The following RCC1L variants were observed in gnomAD, a reference collection of about 807,000 sequenced individuals.
The protein encoded by RCC1L is RCC1 like.
In RCC1L, 46 loss-of-function variants were observed where a neutral mutation model predicts 58.6. The ratio of observed to expected loss-of-function variants is 0.79; its 90% CI spans 0.62 to 1.00. The LOEUF is 1.00. Among genes scored for constraint, RCC1L ranks in the 50% least tolerant of loss-of-function variants. The pLI, the probability that RCC1L is intolerant of heterozygous loss-of-function variation, is 0.00. For synonymous variants in RCC1L, 281 were observed against 262.9 expected, an observed-to-expected ratio of 1.07 and a Z score of -0.67; for missense variants, 636 against 623.6, an observed-to-expected ratio of 1.02 and a Z score of -0.21.
At chr7:75,041,477 A>G (rs1805564347), downstream of RCC1L, among the ~76,000 whole-genome samples, 1 of 152,182 alleles carries the variant, frequency 6.6e-6, no homozygotes, top group Admixed American at 6.6e-5. Context: ...AGGTAAAGGC[A>G]GACAGGGCAT....
intron 8 of RCC1L, chr7:75,056,805 A>C: frequency 1.5e-6 from 2 of 1,336,882 alleles, no homozygotes; most frequent in South Asian, 2.5e-5. Context: ...ATCCAATGCC[A>C]TCTTCCCATG....
rs1584503849 is a variant in RCC1L, at chr7:75,066,756, A to G, written c.491T>C (p.Val164Ala). 1 of 1,613,016 alleles carries G rather than the reference A, an allele frequency of 6.2e-7. No individual in the cohort carries two copies. Among genetic ancestry groups the G allele is most frequent in the East Asian group, 2.2e-5 (1 of 44,830 alleles). Residue 164 changes from valine to alanine, a missense_variant, in exon 3 of 11, where the codon GTC (valine) becomes GCC (alanine). Val to Ala is a moderately conservative substitution (Grantham distance 64). Coordinates refer to ENST00000610322, the MANE Select transcript of RCC1L (RefSeq NM_030798.5). ...GYEYVLEPSP[V>A]SLPLDRPQET... ...CTGAGGTCTGTCCAGAGGCAGGGAG[A>G]CGGGTGAGGGCTCCAACACATACTC...
At chr7:75,069,999 G>A (rs1362705558) in intron 2 of RCC1L, among the ~76,000 whole-genome samples, 4 of 152,258 alleles carry the variant, frequency 2.6e-5, no homozygotes, top group South Asian at 2.1e-4. Context: ...CCATGTTAAC[G>A]ATTTCAATGC....
Position 75,058,585 on chromosome 7 carries a change from T to C in RCC1L, c.969+3A>G. ...CAGCACCACGCTGTCGGCGACTGCA[T>C]ACCTGTGTGGAGTCAGTGACAGAGG... On this transcript the variant is annotated splice_donor_region_variant and intron_variant, in intron 7 of 10. Transcript: ENST00000610322. 2 of 1,600,376 alleles carry C rather than the reference T, an allele frequency of 1.2e-6. No individual in the cohort carries two copies. The highest frequency in any genetic ancestry group is 1.1e-5 in the South Asian group (1 of 89,722).
At chr7:75,051,337 CATAT>C (rs1209146726) in intron 10 of RCC1L, among the ~76,000 whole-genome samples, 2 of 148,496 alleles carry the variant, frequency 1.3e-5, no homozygotes, top group African/African-American at 2.5e-5. Flanking sequence ...CACACACACA[CATAT>C]ATATACACAC....
chr7:75,061,328 A>C, intron 5 of RCC1L, 37 bp from the exon 6 acceptor site: 1 of 1,572,812 alleles, frequency 6.4e-7, no homozygotes, highest in Non-Finnish European at 8.8e-7. Context: ...ATGAGAGGAA[A>C]TACTTAGAAC....
chr7:75,053,202 G>A (rs1475713898), intron 9 of RCC1L, among the ~76,000 whole-genome samples: 1 of 91,254 alleles, frequency 1.1e-5, no homozygotes, highest in African/African-American at 4.4e-5. Context: ...GGGGGTGGTG[G>A]ACAGGGCTGG....
At position 75,058,574 on chromosome 7, in the gene RCC1L, C is replaced by T. The variant is rs995613108; in HGVS notation, c.969+14G>A. 2.4e-4 allele frequency: 380 copies of T among 1,584,980 alleles called. 1 individual carries two copies. Among genetic ancestry groups the T allele is most frequent in the Non-Finnish European group, 3.1e-4 (365 of 1,164,206 alleles). On this transcript the variant is annotated intron_variant, in intron 7 of 10. Coordinates refer to ENST00000610322, the MANE Select transcript of RCC1L (RefSeq NM_030798.5). The stretch of plus-strand genomic sequence containing the variant: ...TCCAAACCTCCCAGCACCACGCTGT[C>T]GGCGACTGCATACCTGTGTGGAGTC...
chr7:75,046,812 T>C (rs1283778485), intron 10 of RCC1L, among the ~76,000 whole-genome samples: 1 of 152,124 alleles, frequency 6.6e-6, no homozygotes, highest in Non-Finnish European at 1.5e-5. Flanking sequence ...CAATTACAAG[T>C]TGCTAAAACG....
intron 10 of RCC1L, among the ~76,000 whole-genome samples, chr7:75,044,680 G>A (rs901205430): frequency 1.9e-4 from 28 of 149,062 alleles, no homozygotes; most frequent in Non-Finnish European, 3.4e-4. Flanking sequence ...CCTCTGAACT[G>A]AAAACTACTT....
Position 75,066,723 on chromosome 7 carries a change from C to A in RCC1L, c.524G>T (p.Arg175Leu). The change falls in exon 3 of 11, where the codon CGG becomes CTG. Residue 175 changes from arginine to leucine, a missense_variant. By Grantham distance (102) the Arg-to-Leu change is moderately radical (BLOSUM62 -2). Transcript: ENST00000610322. ...SLPLDRPQETRVLQVSCGRAH... is the reference protein window; with the variant it reads ...SLPLDRPQETLVLQVSCGRAH... ...TCGGCCGCAGGAGACCTGCAGCACC[C>A]GTGTCTCCTGAGGTCTGTCCAGAGG... The A allele has an allele frequency of 6.2e-7, 1 of 1,613,536 alleles. No individual in the cohort carries two copies. Among genetic ancestry groups the A allele is most frequent in the South Asian group, 1.1e-5 (1 of 91,030 alleles).
At chr7:75,070,847 C>G (rs1180894408) in intron 1 of RCC1L, 78 bp from the exon 2 acceptor site, 7 of 1,565,838 alleles carry the variant, frequency 4.5e-6, no homozygotes, top group Middle Eastern at 3.9e-4. Flanking sequence ...GGTTATTTAT[C>G]AAATCCAAGA....
At chr7:75,048,777 T>C (rs1345616397) in intron 10 of RCC1L, among the ~76,000 whole-genome samples, 1 of 152,212 alleles carries the variant, frequency 6.6e-6, no homozygotes. Context: ...TGGTCAAATG[T>C]TCCGTGCCAC....
intron 6 of RCC1L, among the ~76,000 whole-genome samples, 180 bp from the exon 7 acceptor site, chr7:75,058,949 G>T (rs1174170944): frequency 1.3e-5 from 2 of 151,628 alleles, no homozygotes; most frequent in Non-Finnish European, 2.9e-5. Context: ...GGCTGAGATG[G>T]GCAGATCACT....
At chr7:75,036,645 G>A (rs1190037821) in intron 10 of RCC1L, among the ~76,000 whole-genome samples, 3 of 151,986 alleles carry the variant, frequency 2.0e-5, no homozygotes, top group South Asian at 4.2e-4. Flanking sequence ...TGTAATCCCA[G>A]CACTTTGGGA....
intron 10 of RCC1L, among the ~76,000 whole-genome samples, chr7:75,052,343 T>TG (rs1442025297): frequency 2.0e-5 from 3 of 152,166 alleles, no homozygotes; most frequent in African/African-American, 7.2e-5. Context: ...TGCCTCTGTT[T>TG]CCCCGATCCA....
At chr7:75,041,453 G>A (rs949279854), downstream of RCC1L, among the ~76,000 whole-genome samples, 111 of 152,226 alleles carry the variant, frequency 7.3e-4, no homozygotes, top group Non-Finnish European at 1.4e-3. Context: ...TGTTGTGAAC[G>A]CATTAAAGGA....
In RCC1L at chr7:75,047,026, C is replaced by T. The variant is rs938131902; in HGVS notation, c.1318-3917G>A. ...AGGCTGGAGTGCAGTGGCACGATCT[C>T]GGCTCACTGCAACCTCCGCCTCCCA... On this transcript the variant is annotated intron_variant, in intron 10 of 10. Coordinates refer to ENST00000610322, the MANE Select transcript of RCC1L (RefSeq NM_030798.5). Among the ~76,000 whole-genome samples, 178 of 152,118 alleles carry T rather than the reference C, an allele frequency of 1.2e-3. 1 individual carries two copies. In the East Asian group the frequency reaches 0.032, roughly 28 times the overall value.
chr7:75,050,799 A>C (rs1805880745), intron 10 of RCC1L, among the ~76,000 whole-genome samples: 1 of 152,230 alleles, frequency 6.6e-6, no homozygotes, highest in African/African-American at 2.4e-5. Context: ...CTTTCCAACA[A>C]GGCTAAAGTC....
Sources: gnomAD v4.1 joint callset for allele counts (sites outside exome capture counted in the v4.1 genomes callset) on GRCh38, gnomAD v4.1.1 for gene constraint, MANE v1.5 for transcripts, NCBI Gene and HGNC (gene_info 2026-07-23, HGNC 2026-07-21) for gene names.